Variants in SLC12A9 observed in about 807,000 individuals in gnomAD.
SLC12A9 encodes CCC-interacting protein 1.
SLC12A9 carries 55 observed loss-of-function variants against 66.0 expected under a neutral mutation model. The observed-to-expected ratio is 0.83, with a 90% confidence interval of 0.67 to 1.04. SLC12A9 has a LOEUF of 1.04. Ranked by LOEUF, SLC12A9 falls within the 50% of genes least tolerant of loss-of-function variation. The pLI is 0.00. For synonymous variants in SLC12A9, 577 were observed against 569.0 expected, an observed-to-expected ratio of 1.01 and a Z score of -0.20; for missense variants, 1,061 against 1,241.9, an observed-to-expected ratio of 0.85 and a Z score of 2.19.
At chr7:100,857,285 C>A in intron 5 of SLC12A9, 109 bp downstream of exon 5, 1 of 1,254,396 alleles carries the variant, frequency 8.0e-7, no homozygotes, top group South Asian at 1.4e-5. Flanking sequence ...GAATGGAGGG[C>A]AGGAGGTCTG....
In SLC12A9 at chr7:100,858,869, G is replaced by A; in HGVS notation, c.792G>A (p.Val264=). 1 of 1,614,212 alleles carries A rather than the reference G, an allele frequency of 6.2e-7. No homozygotes were observed. Among genetic ancestry groups the A allele is most frequent in the Non-Finnish European group, 8.5e-7 (1 of 1,180,026 alleles). ...GYAEDYTTGA[V]MNFASVFAVL... Reference sequence around the variant, plus strand: ...CTGAGGACTACACCACGGGAGCCGTGATGAATTTTGCCAGCGTCTTTGCTG... The same window carrying A: ...CTGAGGACTACACCACGGGAGCCGTAATGAATTTTGCCAGCGTCTTTGCTG... Residue 264 remains valine, a synonymous_variant, in exon 6 of 14, where the codon GTG becomes GTA. Transcript: ENST00000354161.
rs933918336 is a variant in SLC12A9 at position 100,857,231 on chromosome 7, G to A, written c.757+55G>A. On this transcript the variant is annotated intron_variant, in intron 5 of 13. Coordinates refer to ENST00000354161, the MANE Select transcript of SLC12A9 (RefSeq NM_020246.4). ...TCGGGGTGAGGGGTGGGCAGACGTC[G>A]GGCCGGGCCCGTAAAACCTCTGGAT... 46 of 1,557,178 alleles carry A rather than the reference G, an allele frequency of 3.0e-5. No individual in the cohort carries two copies. The Admixed American group carries it at 3.0e-4, about 10-fold the overall frequency.
intron 1 of SLC12A9, among the ~76,000 whole-genome samples, chr7:100,844,684 A>G (rs993385603): frequency 7.2e-5 from 11 of 152,204 alleles, no homozygotes; most frequent in African/African-American, 2.7e-4. Context: ...CTAAAGGACA[A>G]TGTAACCCTT....
At chr7:100,856,557 A>C (rs1330686207) in intron 4 of SLC12A9, 2 of 265,384 alleles carry the variant, frequency 7.5e-6, no homozygotes, top group Non-Finnish European at 1.4e-5. Flanking sequence ...CTCTGTCACC[A>C]AGGCTGGAGT....
At chr7:100,836,354 A>G (rs1813658859) in intron 1 of SLC12A9, among the ~76,000 whole-genome samples, 1 of 152,074 alleles carries the variant, frequency 6.6e-6, no homozygotes, top group South Asian at 2.1e-4. Context: ...CACCGAGGGT[A>G]GCAGGTCGGG....
rs760385219 is a variant in SLC12A9 at position 100,855,813 on chromosome 7, T to G, written c.424T>G (p.Ser142Ala). ...CAVSLLGLVESVLDVFGADAT... is the reference protein window; with the variant it reads ...CAVSLLGLVEAVLDVFGADAT... ...CGTCTCCCTCCTGGGGCTGGTGGAGTCTGTGCTTGATGTCTTCGGGGCCGG... is the reference window on the plus strand; with the variant it reads ...CGTCTCCCTCCTGGGGCTGGTGGAGGCTGTGCTTGATGTCTTCGGGGCCGG... Residue 142 changes from serine (S) to alanine (A), a missense_variant, in exon 4 of 14, where the codon TCT (serine) becomes GCT (alanine). Coordinates refer to ENST00000354161, the MANE Select transcript of SLC12A9 (RefSeq NM_020246.4). The G allele has an allele frequency of 3.8e-5, 61 of 1,611,946 alleles. No individual in the cohort carries two copies. In the Admixed American group the frequency reaches 6.7e-4, roughly 18 times the overall value.
At chr7:100,843,222 A>T (rs1189947339) in intron 1 of SLC12A9, among the ~76,000 whole-genome samples, 2 of 152,220 alleles carry the variant, frequency 1.3e-5, no homozygotes, top group African/African-American at 2.4e-5. Flanking sequence ...AAAATAAGAC[A>T]TTGTAAAGCG....
Position 100,858,820 on chromosome 7 carries a change from G to C in SLC12A9, c.758-15G>C. The C allele has an allele frequency of 1.9e-6, 3 of 1,613,724 alleles. No homozygotes were observed. The highest frequency in any genetic ancestry group is 2.5e-6 in the Non-Finnish European group (3 of 1,179,778). ...GGATGCTGATGCACTCTCCTCCCTG[G>C]GAGGATCCTCCTAGCTGGCTATGCT... On this transcript the variant is annotated splice_polypyrimidine_tract_variant and intron_variant, in intron 5 of 13. Transcript: ENST00000354161.
chr7:100,861,902 G>C lies in SLC12A9; in HGVS notation c.1702G>C (p.Gly568Arg). The change falls in exon 12 of 14, where the codon GGA becomes CGA. Residue 568 changes from glycine (G) to arginine (R), a missense_variant. By Grantham distance (125) the Gly-to-Arg change is moderately radical. Transcript: ENST00000354161. The surrounding 1 kb of genome is among the most constrained non-coding windows in gnomAD (Gnocchi z 5.3). Reference sequence around the variant, plus strand: ...GTATGTGCTGGGCCACGTCACCCTGGGAGACCTCGGTGAGCTGCCCTCCCA... The same window carrying C: ...GTATGTGCTGGGCCACGTCACCCTGCGAGACCTCGGTGAGCTGCCCTCCCA... The part of the protein sequence containing the change: ...GLYVLGHVTL[G>R]DLDSLPSDPV... 6.2e-7 allele frequency: 1 copy of C among 1,600,264 alleles called. No individual in the cohort carries two copies. The highest frequency in any genetic ancestry group is 8.5e-7 in the Non-Finnish European group (1 of 1,171,648).
intron 1 of SLC12A9, among the ~76,000 whole-genome samples, chr7:100,839,596 T>A (rs185983161): frequency 6.6e-6 from 1 of 152,224 alleles, no homozygotes; most frequent in African/African-American, 2.4e-5. Flanking sequence ...ATCCTGAGAG[T>A]GCTCCCTGGT....
rs111625243 is a variant in SLC12A9, at chr7:100,845,442, C to T, written n.229-14443C>T. Among the ~76,000 whole-genome samples the T allele has an allele frequency of 5.7e-3, 872 of 152,038 alleles. 8 individuals carry two copies. The highest frequency in any genetic ancestry group is 0.02 in the African/African-American group (823 of 41,426). On this transcript the variant is annotated intron_variant and non_coding_transcript_variant, in intron 1 of 1. Transcript: ENST00000461016. Reference sequence around the variant, plus strand: ...TCGGCTCACTGCAAACTCTACCTCCCGGGTTCACGCCATTCTCCTGCCTCA... The same window carrying T: ...TCGGCTCACTGCAAACTCTACCTCCTGGGTTCACGCCATTCTCCTGCCTCA...
intron 1 of SLC12A9, among the ~76,000 whole-genome samples, chr7:100,839,933 G>A (rs1192596538): frequency 1.3e-5 from 2 of 149,902 alleles, no homozygotes; most frequent in Admixed American, 1.3e-4. Flanking sequence ...GTCCCCACCA[G>A]AGCGAGACTC....
Position 100,865,891 on chromosome 7 carries a change from C to T in SLC12A9, c.2031C>T (p.Ala677=). The T allele has an allele frequency of 6.2e-7, 1 of 1,613,674 alleles. No homozygotes were observed. The change falls in exon 14 of 14, where the codon GCC becomes GCT. Residue 677 remains alanine, a synonymous_variant. Coordinates refer to ENST00000354161, the MANE Select transcript of SLC12A9 (RefSeq NM_020246.4). The part of the protein sequence containing the change: ...PPPRAPGSPR[A]LNPQDYVATV... The stretch of plus-strand genomic sequence containing the variant: ...CCCGGGCTCCTGGGAGCCCCCGGGC[C>T]CTCAATCCCCAGGACTATGTGGCCA...
rs772006582 is a variant in SLC12A9 at position 100,861,530 on chromosome 7, G to A, written c.1482G>A (p.Ala494=). The A allele has an allele frequency of 9.3e-6, 15 of 1,613,756 alleles. No homozygotes were observed. Among genetic ancestry groups the A allele is most frequent in the South Asian group, 6.6e-5 (6 of 91,068 alleles). Reference sequence around the variant, plus strand: ...GTCTGCTGGCTGCCCTGCTCACCGCGCGAGGAGGCCCCAGTAGCTGGGGCT... The same window carrying A: ...GTCTGCTGGCTGCCCTGCTCACCGCACGAGGAGGCCCCAGTAGCTGGGGCT... ...LMGLLAALLT[A]RGGPSSWGYV... is the part of the protein sequence containing the mutation. The change falls in exon 11 of 14, where the codon GCG becomes GCA. Residue 494 remains alanine, a synonymous_variant. Transcript: ENST00000354161. This position sits in a 1 kb window ranked among gnomAD's most constrained non-coding sequence, Gnocchi z 5.3.
intron 2 of SLC12A9, 63 bp downstream of exon 2, chr7:100,854,441 T>C: frequency 6.3e-7 from 1 of 1,592,214 alleles, no homozygotes; most frequent in Non-Finnish European, 8.5e-7. Flanking sequence ...TGGGGAGGGG[T>C]GGAGATGGGA....
intron 1 of SLC12A9, among the ~76,000 whole-genome samples, chr7:100,839,499 C>T (rs1010654628): frequency 1.3e-5 from 2 of 152,326 alleles, no homozygotes; most frequent in East Asian, 1.9e-4. Flanking sequence ...AGGTGAATGG[C>T]GGATGGTCGA....
At chr7:100,840,482 G>A (rs1012329257) in intron 1 of SLC12A9, among the ~76,000 whole-genome samples, 3 of 152,038 alleles carry the variant, frequency 2.0e-5, no homozygotes, top group Non-Finnish European at 4.4e-5. Flanking sequence ...TAGACACTTG[G>A]TTACAGCTAG....
chr7:100,826,944 T>C, exon 1 of SLC12A9: 1 of 1,519,700 alleles, frequency 6.6e-7, no homozygotes, highest in Non-Finnish European at 8.8e-7. Flanking sequence ...GTCCCAGGAG[T>C]GACGGGGTGC....
chr7:100,836,462 G>A (rs1349471306), intron 1 of SLC12A9, among the ~76,000 whole-genome samples: 1 of 152,076 alleles, frequency 6.6e-6, no homozygotes, highest in Non-Finnish European at 1.5e-5. Context: ...GAGCTCACCT[G>A]AACCTCAGAA....
Sources: gnomAD v4.1 joint callset for allele counts (sites outside exome capture counted in the v4.1 genomes callset) on GRCh38, gnomAD v4.1.1 for gene constraint, Gnocchi (gnomAD v3.1) non-coding constraint, MANE v1.5 for transcripts, NCBI Gene and HGNC (gene_info 2026-07-23, HGNC 2026-07-21) for gene names.